The following ITGB6 variants were observed in gnomAD, a reference collection of about 807,000 sequenced individuals.
The protein encoded by ITGB6 is integrin subunit beta 6.
In ITGB6, 80 loss-of-function variants were observed where a neutral mutation model predicts 84.5. That is an observed-to-expected ratio of 0.95 (90% CI 0.79 to 1.14). ITGB6 has a LOEUF of 1.14. Ranked by LOEUF, ITGB6 falls within the 50% of genes most tolerant of loss-of-function variation. ITGB6 has a pLI of 0.00. For synonymous variants in ITGB6, 383 were observed against 354.9 expected, an observed-to-expected ratio of 1.08 and a Z score of -0.89; for missense variants, 1,006 against 968.0, an observed-to-expected ratio of 1.04 and a Z score of -0.52.
chr2:160,195,196 G>A (rs1388118305), intron 4 of ITGB6, among the ~76,000 whole-genome samples, 173 bp downstream of exon 4: 5 of 152,202 alleles, frequency 3.3e-5, no homozygotes, highest in Non-Finnish European at 7.3e-5. Context: ...ATGTAGTTCA[G>A]ATGACCTCAC....
intron 8 of ITGB6, among the ~76,000 whole-genome samples, chr2:160,140,509 G>T (rs1413639468): frequency 6.6e-6 from 1 of 152,200 alleles, no homozygotes; most frequent in Non-Finnish European, 1.5e-5. Context: ...GGCCAACACT[G>T]TTGAGAGTAT....
intron 13 of ITGB6, among the ~76,000 whole-genome samples, chr2:160,109,996 C>A (rs929656776): frequency 1.3e-5 from 2 of 152,140 alleles, no homozygotes; most frequent in African/African-American, 4.8e-5. Flanking sequence ...ATTCATTTTA[C>A]CTGTTTCTTT....
chr2:160,143,152 G>A (rs1339181288), intron 7 of ITGB6, among the ~76,000 whole-genome samples: 1 of 152,104 alleles, frequency 6.6e-6, no homozygotes, highest in Non-Finnish European at 1.5e-5. Context: ...GCTTGGTGTG[G>A]TGGCACGCCT....
At chr2:160,193,988 C>T (rs1686238742) in intron 4 of ITGB6, among the ~76,000 whole-genome samples, 1 of 152,152 alleles carries the variant, frequency 6.6e-6, no homozygotes, top group Admixed American at 6.5e-5. Context: ...GAAACCCAGT[C>T]ACTACTAAAA....
intron 7 of ITGB6, among the ~76,000 whole-genome samples, chr2:160,164,726 T>C (rs1223885342): frequency 1.3e-5 from 2 of 152,180 alleles, no homozygotes; most frequent in African/African-American, 4.8e-5. Context: ...TTTATATTTC[T>C]ACAAGTATTG....
chr2:160,111,734 C>T (rs1682524829), intron 13 of ITGB6, among the ~76,000 whole-genome samples: 1 of 151,928 alleles, frequency 6.6e-6, no homozygotes, highest in African/African-American at 2.4e-5. Context: ...TGCAGGCCAC[C>T]ATACCCGGCT....
At position 160,137,580 on chromosome 2, in the gene ITGB6, G is replaced by C; in HGVS notation, c.1514C>G (p.Ala505Gly). The C allele has an allele frequency of 6.2e-7, 1 of 1,614,184 alleles. No homozygotes were observed. The highest frequency in any genetic ancestry group is 8.5e-7 in the Non-Finnish European group (1 of 1,180,024). Residue 505 changes from alanine to glycine, a missense_variant, in exon 10 of 15, where the codon GCC (alanine) becomes GGC (glycine). Physicochemically the swap from Ala to Gly is moderately conservative, Grantham distance 60. Coordinates refer to ENST00000283249, the MANE Select transcript of ITGB6 (RefSeq NM_000888.5). ...DMLSTDSCKE[A>G]PDHPSCSGRG... ...TCCGCTGCAGGAGGGATGATCTGGGGCCTCCTTGCAGGAATCTGTGCTCAG... is the reference window on the plus strand; with the variant it reads ...TCCGCTGCAGGAGGGATGATCTGGGCCCTCCTTGCAGGAATCTGTGCTCAG...
In ITGB6 at chr2:160,200,066, G is replaced by A. The variant is rs756308079; in HGVS notation, c.-3C>T. The stretch of plus-strand genomic sequence containing the variant: ...AGGCAAAGCAGTTCAATCCCCATTC[G>A]TTTCAGTTCTTGCTGTGCAGACCGA... On this transcript the variant is annotated 5_prime_UTR_variant, in exon 1 of 15. The change creates a new upstream start codon in the 5' untranslated region. Coordinates refer to ENST00000283249, the MANE Select transcript of ITGB6 (RefSeq NM_000888.5). 24 of 1,613,392 alleles carry A rather than the reference G, an allele frequency of 1.5e-5. No homozygotes were observed. The highest frequency in any genetic ancestry group is 1.3e-4 in the East Asian group (6 of 44,850).
intron 10 of ITGB6, among the ~76,000 whole-genome samples, chr2:160,126,865 T>C (rs952403475): frequency 7.2e-5 from 11 of 152,196 alleles, no homozygotes; most frequent in Non-Finnish European, 1.5e-4. Context: ...TAAATAAAAA[T>C]ATAAGCCTCT....
At chr2:160,116,875 T>C (rs1682795557) in intron 12 of ITGB6, among the ~76,000 whole-genome samples, 1 of 150,566 alleles carries the variant, frequency 6.6e-6, no homozygotes, top group Non-Finnish European at 1.5e-5. Flanking sequence ...TAGTCTCTGA[T>C]AAAACAGACT....
chr2:160,133,967 C>T (rs181873754), intron 10 of ITGB6, among the ~76,000 whole-genome samples: 201 of 152,114 alleles, frequency 1.3e-3, no homozygotes, highest in African/African-American at 4.6e-3. Flanking sequence ...AGATCTAAAA[C>T]TGACACCCTA....
chr2:160,125,678 G>T (rs1050101220), intron 11 of ITGB6, among the ~76,000 whole-genome samples: 2 of 152,170 alleles, frequency 1.3e-5, no homozygotes, highest in Admixed American at 6.5e-5. Flanking sequence ...AAGCATATTT[G>T]CTGCATAATA....
At chr2:160,111,908 A>T (rs1682534405) in intron 13 of ITGB6, among the ~76,000 whole-genome samples, 172 bp downstream of exon 13, 1 of 152,128 alleles carries the variant, frequency 6.6e-6, no homozygotes, top group African/African-American at 2.4e-5. Flanking sequence ...GAGACACTGG[A>T]ACATACTGAA....
At chr2:160,177,019 C>T (rs1008261944) in intron 4 of ITGB6, among the ~76,000 whole-genome samples, 1 of 152,066 alleles carries the variant, frequency 6.6e-6, no homozygotes, top group African/African-American at 2.4e-5. Flanking sequence ...TCTTTTGACT[C>T]ATATTACCAA....
At chr2:160,139,948 G>A (rs990060586) in intron 8 of ITGB6, among the ~76,000 whole-genome samples, 1 of 151,922 alleles carries the variant, frequency 6.6e-6, no homozygotes, top group African/African-American at 2.4e-5. Flanking sequence ...ATATCAATAC[G>A]GCACTGTAAA....
chr2:160,101,794 T>A lies in ITGB6; in HGVS notation c.2309A>T (p.Lys770Ile). 6.2e-7 allele frequency: 1 copy of A among 1,602,824 alleles called. No homozygotes were observed. The highest frequency in any genetic ancestry group is 8.5e-7 in the Non-Finnish European group (1 of 1,170,092). The part of the protein sequence containing the change: ...PLYRGSTSTF[K>I]NVTYKHREKQ... ...TTCCCTGTGTTTATAAGTTACATTTTTAAAAGTACTTGTGGATCCTCTGTA... is the reference window on the plus strand; with the variant it reads ...TTCCCTGTGTTTATAAGTTACATTTATAAAAGTACTTGTGGATCCTCTGTA... The change falls in exon 15 of 15, where the codon AAA (lysine) becomes ATA (isoleucine). Residue 770 changes from lysine (K) to isoleucine (I), a missense_variant. Physicochemically the swap from Lys to Ile is moderately radical, Grantham distance 102. Coordinates refer to ENST00000283249, the MANE Select transcript of ITGB6 (RefSeq NM_000888.5).
At chr2:160,199,939 G>T in intron 1 of ITGB6, 64 bp downstream of exon 1, 1 of 1,275,316 alleles carries the variant, frequency 7.8e-7, no homozygotes, top group Non-Finnish European at 1.1e-6. Flanking sequence ...TCTAGTTTCT[G>T]AACCAAATGA....
At position 160,131,201 on chromosome 2, in the gene ITGB6, C is replaced by G. The variant is rs1683455007; in HGVS notation, c.1661-4600G>C. 2.4e-5 allele frequency among the ~76,000 whole-genome samples: 2 copies of G among 81,818 alleles called. 1 individual carries two copies. Among genetic ancestry groups the G allele is most frequent in the Admixed American group, 3.0e-4 (2 of 6,728 alleles). The allele number at this position is 81,818 out of a possible 152,430, so 53.7% of individuals were successfully genotyped here. A position where few individuals can be genotyped will look rare whatever the true frequency, so the allele number is the denominator to read the frequency against. On this transcript the variant is annotated intron_variant, in intron 10 of 14. Coordinates refer to ENST00000283249, the MANE Select transcript of ITGB6 (RefSeq NM_000888.5). The stretch of plus-strand genomic sequence containing the variant: ...CTTTCTGGAATGCCATTGACAATAA[C>G]TGTTAAGTGCATAATGGCAGGAAGT...
intron 11 of ITGB6, 111 bp downstream of exon 11, chr2:160,126,268 G>A: frequency 2.1e-6 from 2 of 967,990 alleles, no homozygotes; most frequent in Admixed American, 4.3e-5. Flanking sequence ...ATGGATGTTT[G>A]GAGACCAAAC....
Sources: allele counts gnomAD v4.1 joint callset (sites outside exome capture counted in the v4.1 genomes callset), GRCh38; gene constraint gnomAD v4.1.1; transcripts MANE v1.5; gene names NCBI Gene and HGNC (gene_info 2026-07-23, HGNC 2026-07-21).